The following TICRR variants were observed in gnomAD, a reference collection of about 807,000 sequenced individuals.
The protein encoded by TICRR is treslin.
TICRR carries 132 observed loss-of-function variants against 178.1 expected under a neutral mutation model. The ratio of observed to expected loss-of-function variants is 0.74; its 90% CI spans 0.64 to 0.86. The LOEUF (loss-of-function observed/expected upper bound fraction) is 0.86, where lower values mean the gene tolerates loss of function less well. Among genes scored for constraint, TICRR ranks in the 40% least tolerant of loss-of-function variants. The pLI is 0.00. For missense variants in TICRR, 2,587 were observed against 2,334.3 expected, an observed-to-expected ratio of 1.11 and a Z score of -2.23; for synonymous variants, 991 against 900.7, an observed-to-expected ratio of 1.10 and a Z score of -1.79.
intron 15 of TICRR, among the ~76,000 whole-genome samples, chr15:89,612,031 T>A (rs989870661): frequency 6.6e-6 from 1 of 152,212 alleles, no homozygotes; most frequent in African/African-American, 2.4e-5. Flanking sequence ...CTTTCTTGTT[T>A]CTTTGTATAC....
chr15:89,610,971 GTC>G (rs1963247084), intron 15 of TICRR, among the ~76,000 whole-genome samples: 1 of 150,406 alleles, frequency 6.6e-6, no homozygotes, highest in African/African-American at 2.4e-5. Flanking sequence ...ATGTATTTCT[GTC>G]TCTTCTTCTT....
At chr15:89,601,178 G>T in intron 9 of TICRR, 120 bp from the exon 10 acceptor site, 1 of 713,576 alleles carries the variant, frequency 1.4e-6, no homozygotes, top group South Asian at 2.0e-5. Context: ...TTTAGAAAAG[G>T]CACTGGCTCT....
intron 4 of TICRR, among the ~76,000 whole-genome samples, chr15:89,590,639 T>A (rs568225347): frequency 6.6e-6 from 1 of 152,346 alleles, no homozygotes; most frequent in South Asian, 2.1e-4. Context: ...CTAGCCCAAA[T>A]ACTGCATTCT....
rs1175952276 is a variant in TICRR, at chr15:89,579,003, C to T, written c.654+2763C>T. Among the ~76,000 whole-genome samples the T allele has an allele frequency of 3.3e-5, 5 of 152,244 alleles. No homozygotes were observed. In the East Asian group the frequency reaches 9.6e-4, roughly 29 times the overall value. ...GGAGCGTGCAGTCTGGGAAGTAGAA[C>T]TGGGAGAAACAGAACCTGCACTTAC... On this transcript the variant is annotated intron_variant, in intron 1 of 21. Coordinates refer to ENST00000268138, the MANE Select transcript of TICRR (RefSeq NM_152259.4).
intron 7 of TICRR, among the ~76,000 whole-genome samples, chr15:89,597,723 G>A (rs1963021985): frequency 6.6e-6 from 1 of 151,902 alleles, no homozygotes; most frequent in African/African-American, 2.4e-5. Context: ...AGTTATTCTG[G>A]GTCTTTCGCC....
At chr15:89,600,815 C>A in intron 9 of TICRR, 130 bp downstream of exon 9, 1 of 510,102 alleles carries the variant, frequency 2.0e-6, no homozygotes, top group Non-Finnish European at 3.5e-6. Flanking sequence ...GAAGCCAAAG[C>A]AGGAGGATTG....
In TICRR at chr15:89,624,500, A is replaced by C. The variant is rs1309799618; in HGVS notation, c.4190A>C (p.Glu1397Ala). The part of the protein sequence containing the change: ...KTSDPRRSIV[E>A]CQPDASATPG... ...TCTGATCCCAGAAGGAGCATCGTGGAGTGTCAGCCTGATGCCTCCGCTACT... is the reference window on the plus strand; with the variant it reads ...TCTGATCCCAGAAGGAGCATCGTGGCGTGTCAGCCTGATGCCTCCGCTACT... The change falls in exon 20 of 22, where the codon GAG (glutamate) becomes GCG (alanine). Residue 1397 changes from glutamate (E) to alanine (A), a missense_variant. By Grantham distance (107) the Glu-to-Ala change is moderately radical. Coordinates refer to ENST00000268138, the MANE Select transcript of TICRR (RefSeq NM_152259.4). 1.9e-6 allele frequency: 3 copies of C among 1,614,002 alleles called. No homozygotes were observed. Among genetic ancestry groups the C allele is most frequent in the African/African-American group, 2.7e-5 (2 of 74,930 alleles).
chr15:89,576,364 G>T, intron 1 of TICRR, 124 bp downstream of exon 1: 1 of 924,938 alleles, frequency 1.1e-6, no homozygotes, highest in South Asian at 1.9e-5. Flanking sequence ...GCGTCCCTTC[G>T]GAAGGAAACA....
At position 89,624,219 on chromosome 15, in the gene TICRR, C is replaced by G. The variant is rs1249087530; in HGVS notation, c.3909C>G (p.Ser1303=). The change falls in exon 20 of 22, where the codon TCC becomes TCG. Residue 1303 remains serine, a synonymous_variant. Coordinates refer to ENST00000268138, the MANE Select transcript of TICRR (RefSeq NM_152259.4). ...KRPGNSTVTS[S]PPVTPKKLFT... The stretch of plus-strand genomic sequence containing the variant: ...CAGGGAATTCAACTGTGACTTCTTC[C>G]CCACCTGTTACGCCAAAGAAACTGT... 16 of 1,614,150 alleles carry G rather than the reference C, an allele frequency of 9.9e-6. No individual in the cohort carries two copies. Among genetic ancestry groups the G allele is most frequent in the Non-Finnish European group, 1.4e-5 (16 of 1,180,034 alleles).
Position 89,627,943 on chromosome 15 carries a change from G to C in TICRR, c.*857G>C, listed in dbSNP as rs1276211164. 1 of 154,326 alleles carries C rather than the reference G, an allele frequency of 6.5e-6. No homozygotes were observed. Among genetic ancestry groups the C allele is most frequent in the African/African-American group, 2.4e-5 (1 of 41,476 alleles). 9.6% of individuals were successfully genotyped at this position (154,326 alleles called of 1,614,324 possible). A position where few individuals can be genotyped will look rare whatever the true frequency, so the allele number is the denominator to read the frequency against. On this transcript the variant is annotated 3_prime_UTR_variant, in exon 22 of 22. Transcript: ENST00000268138. ...CAAATCTGATTCCTCCTATTGTCTT[G>C]TAAATCAAACTCTAAGTGAAAACTT...
At chr15:89,613,815 T>G (rs1194700240) in intron 15 of TICRR, among the ~76,000 whole-genome samples, 1 of 150,568 alleles carries the variant, frequency 6.6e-6, no homozygotes, top group Non-Finnish European at 1.5e-5. Context: ...GATCTTTAGG[T>G]ATGATTTTCT....
intron 21 of TICRR, among the ~76,000 whole-genome samples, chr15:89,626,410 A>C (rs952590907): frequency 6.6e-6 from 1 of 152,218 alleles, no homozygotes; most frequent in Non-Finnish European, 1.5e-5. Flanking sequence ...AGTTCCCCAC[A>C]GCGGGTTTAT....
chr15:89,624,677 T>G lies in TICRR; in HGVS notation c.4367T>G (p.Leu1456Arg). 6.2e-7 allele frequency: 1 copy of G among 1,614,018 alleles called. No individual in the cohort carries two copies. Among genetic ancestry groups the G allele is most frequent in the Non-Finnish European group, 8.5e-7 (1 of 1,180,020 alleles). The stretch of plus-strand genomic sequence containing the variant: ...GATTGGCATGCATCCTCTCCTCTGC[T>G]CATTACAAGTGACACAGAGCATGTC... ...RSDWHASSPLLITSDTEHVTL... is the reference protein window; with the variant it reads ...RSDWHASSPLRITSDTEHVTL... The change falls in exon 20 of 22, where the codon CTC becomes CGC. Residue 1456 changes from leucine to arginine, a missense_variant. Leu to Arg is a moderately radical substitution (Grantham distance 102, BLOSUM62 -2). Coordinates refer to ENST00000268138, the MANE Select transcript of TICRR (RefSeq NM_152259.4).
intron 15 of TICRR, among the ~76,000 whole-genome samples, chr15:89,611,981 G>A (rs978695949): frequency 6.6e-6 from 1 of 152,034 alleles, no homozygotes; most frequent in Non-Finnish European, 1.5e-5. Flanking sequence ...CCTTAGTGAC[G>A]GTTTTTGCCA....
Position 89,625,028 on chromosome 15 carries a change from T to C in TICRR, c.4718T>C (p.Leu1573Pro), listed in dbSNP as rs1716012771. Residue 1573 changes from leucine (L) to proline (P), a missense_variant, in exon 20 of 22, where the codon CTT (leucine) becomes CCT (proline). Coordinates refer to ENST00000268138, the MANE Select transcript of TICRR (RefSeq NM_152259.4). ...LEMQASGLPKLRIKKIDPSSS... is the reference protein window; with the variant it reads ...LEMQASGLPKPRIKKIDPSSS... ...ATGCAAGCTTCTGGCCTTCCCAAAC[T>C]TCGAATTAAGAAGATAGACCCCAGC... is the stretch of plus-strand genomic sequence containing the variant. 1 of 1,613,824 alleles carries C rather than the reference T, an allele frequency of 6.2e-7. No individual in the cohort carries two copies. The highest frequency in any genetic ancestry group is 8.5e-7 in the Non-Finnish European group (1 of 1,179,998).
At chr15:89,579,040 A>G (rs1052832229) in intron 1 of TICRR, among the ~76,000 whole-genome samples, 4 of 152,208 alleles carry the variant, frequency 2.6e-5, no homozygotes, top group Non-Finnish European at 5.9e-5. Context: ...TTGGAGGCAG[A>G]GGGATCCAAG....
At chr15:89,614,041 T>A (rs1380656412) in intron 15 of TICRR, among the ~76,000 whole-genome samples, 2 of 151,824 alleles carry the variant, frequency 1.3e-5, no homozygotes, top group African/African-American at 4.8e-5. Flanking sequence ...GTAGTCCTGG[T>A]TACTCCGGAG....
Position 89,626,033 on chromosome 15 carries a change from AC to A in TICRR, c.5576del (p.Pro1859LeufsTer20). On this transcript the variant is annotated frameshift_variant, in exon 21 of 22. Coordinates refer to ENST00000268138, the MANE Select transcript of TICRR (RefSeq NM_152259.4). LOFTEE classifies it low-confidence loss of function (END_TRUNC). ...CTCCGCTGCTGTTCCAGGGGAAAACACCTTCCTCTCAGAGCAAAGACCCCAG... is the reference window on the plus strand; with the variant it reads ...CTCCGCTGCTGTTCCAGGGGAAAACACTTCCTCTCAGAGCAAAGACCCCAG... ...QSPLLFQGKT[P>X]SSQSKDPRDE... 1 of 1,613,812 alleles carries A rather than the reference AC, an allele frequency of 6.2e-7. No individual in the cohort carries two copies. The highest frequency in any genetic ancestry group is 1.1e-5 in the South Asian group (1 of 91,054).
At position 89,621,522 on chromosome 15, in the gene TICRR, T is replaced by C. The variant is rs748339242; in HGVS notation, c.3284T>C (p.Leu1095Ser). ...ATGAAAAAGCGTTCAAGAAACACTTTGGATTCGGAGGTACCTGCAGCTTAC... is the reference window on the plus strand; with the variant it reads ...ATGAAAAAGCGTTCAAGAAACACTTCGGATTCGGAGGTACCTGCAGCTTAC... ...ARMKKRSRNT[L>S]DSEVPAAYQT... Residue 1095 changes from leucine (L) to serine (S), a missense_variant, in exon 19 of 22, where the codon TTG becomes TCG. Transcript: ENST00000268138. The C allele has an allele frequency of 2.0e-5, 32 of 1,613,648 alleles. No individual in the cohort carries two copies. The highest frequency in any genetic ancestry group is 2.6e-5 in the Non-Finnish European group (31 of 1,179,890).
Sources: gnomAD v4.1 joint callset for allele counts (sites outside exome capture counted in the v4.1 genomes callset) on GRCh38, gnomAD v4.1.1 for gene constraint, MANE v1.5 for transcripts, NCBI Gene and HGNC (gene_info 2026-07-23, HGNC 2026-07-21) for gene names.